SLC14A2: variants seen among roughly 807,000 people sequenced by gnomAD.
SLC14A2 encodes the protein urea transporter 2.
In SLC14A2, 91 loss-of-function variants were observed where a neutral mutation model predicts 104.6. The ratio of observed to expected loss-of-function variants is 0.87; its 90% CI spans 0.73 to 1.04. The LOEUF (loss-of-function observed/expected upper bound fraction) is 1.04, where lower values mean the gene tolerates loss of function less well. Ranked by LOEUF, SLC14A2 falls within the 50% of genes least tolerant of loss-of-function variation. The pLI, the probability that SLC14A2 is intolerant of heterozygous loss-of-function variation, is 0.00. For missense variants in SLC14A2, 1,189 were observed against 1,156.0 expected, an observed-to-expected ratio of 1.03 and a Z score of -0.41; for synonymous variants, 476 against 466.4, an observed-to-expected ratio of 1.02 and a Z score of -0.27.
intron 2 of SLC14A2, among the ~76,000 whole-genome samples, chr18:45,502,236 A>G (rs1164424362): frequency 1.3e-5 from 2 of 152,228 alleles, no homozygotes; most frequent in East Asian, 1.9e-4. Flanking sequence ...GTTGTTTCCA[A>G]TGCAGTTGAT....
chr18:45,621,935 TG>T (rs1022326884), intron 1 of SLC14A2, among the ~76,000 whole-genome samples: 1 of 152,078 alleles, frequency 6.6e-6, no homozygotes, highest in African/African-American at 2.4e-5. Flanking sequence ...GCAGAGGCCC[TG>T]AGGTGGAAAG....
At chr18:45,583,165 A>C (rs1182497870) in intron 2 of SLC14A2, among the ~76,000 whole-genome samples, 2 of 152,198 alleles carry the variant, frequency 1.3e-5, no homozygotes, top group African/African-American at 4.8e-5. Context: ...CTTGTGCTCT[A>C]AATCCTCTTT....
At chr18:45,514,686 A>G (rs1352337296) in intron 2 of SLC14A2, among the ~76,000 whole-genome samples, 1 of 152,178 alleles carries the variant, frequency 6.6e-6, no homozygotes, top group Non-Finnish European at 1.5e-5. Flanking sequence ...GCAATCAGCA[A>G]ACTTTGTTGA....
intron 1 of SLC14A2, among the ~76,000 whole-genome samples, chr18:45,419,865 C>G (rs998832176): frequency 2.0e-5 from 3 of 152,050 alleles, no homozygotes; most frequent in Non-Finnish European, 4.4e-5. Context: ...AGTGGGCATT[C>G]TTGCTAATAG....
At chr18:45,329,287 C>T (rs139381706) in intron 1 of SLC14A2, among the ~76,000 whole-genome samples, 24 of 152,224 alleles carry the variant, frequency 1.6e-4, no homozygotes, top group Admixed American at 9.8e-4. Flanking sequence ...TCTTGCAAGA[C>T]GGTGAGGCAA....
intron 1 of SLC14A2, among the ~76,000 whole-genome samples, chr18:45,258,048 C>T (rs1310707462): frequency 6.6e-6 from 1 of 152,160 alleles, no homozygotes; most frequent in African/African-American, 2.4e-5. Flanking sequence ...AAGCACTGTT[C>T]TTCATATTTG....
At chr18:45,386,767 T>G (rs1445777668) in intron 1 of SLC14A2, among the ~76,000 whole-genome samples, 2 of 152,194 alleles carry the variant, frequency 1.3e-5, no homozygotes, top group Non-Finnish European at 2.9e-5. Flanking sequence ...CTCAAACTGT[T>G]GATTAACCTC....
At chr18:45,248,222 G>A (rs183383388) in intron 1 of SLC14A2, among the ~76,000 whole-genome samples, 2 of 152,120 alleles carry the variant, frequency 1.3e-5, no homozygotes, top group Admixed American at 6.5e-5. Context: ...AGGAAAAACT[G>A]TGCCTTAGAG....
chr18:45,349,475 A>C (rs1340483130), intron 1 of SLC14A2, among the ~76,000 whole-genome samples: 1 of 152,078 alleles, frequency 6.6e-6, no homozygotes, highest in Non-Finnish European at 1.5e-5. Flanking sequence ...CCACATTCCA[A>C]CCTTCTCCTA....
At chr18:45,243,469 A>G (rs1048303139) in intron 1 of SLC14A2, among the ~76,000 whole-genome samples, 5 of 152,192 alleles carry the variant, frequency 3.3e-5, no homozygotes, top group Admixed American at 3.3e-4. Context: ...CTCCCACCCC[A>G]AAGAATGATC....
At chr18:45,259,247 G>T (rs1364420348) in intron 1 of SLC14A2, among the ~76,000 whole-genome samples, 1 of 152,196 alleles carries the variant, frequency 6.6e-6, no homozygotes, top group African/African-American at 2.4e-5. Context: ...CAGCAATAAA[G>T]TTCCTTGGAA....
At chr18:45,635,396 CAA>C (rs1433628485) in intron 5 of SLC14A2, among the ~76,000 whole-genome samples, 2 of 152,166 alleles carry the variant, frequency 1.3e-5, no homozygotes, top group African/African-American at 2.4e-5. Context: ...GAAAAACCAT[CAA>C]AAGAGACTAA....
chr18:45,608,402 G>A (rs2044906422), intron 2 of SLC14A2, among the ~76,000 whole-genome samples: 1 of 152,208 alleles, frequency 6.6e-6, no homozygotes, highest in Admixed American at 6.5e-5. Flanking sequence ...CACCATCCCT[G>A]CCTCATGGAT....
chr18:45,666,910 T>G lies in SLC14A2; in HGVS notation c.1558-25T>G, dbSNP rs780720995. The G allele has an allele frequency of 6.2e-6, 10 of 1,608,364 alleles. No homozygotes were observed. The African/African-American group carries it at 9.4e-5, about 15-fold the overall frequency. The stretch of plus-strand genomic sequence containing the variant: ...GTAAGAACCACCGAATGTGGGAGAC[T>G]CTTGCCTATCTCTGTCCTGGACAGG... On this transcript the variant is annotated intron_variant, in intron 12 of 19. Coordinates refer to ENST00000255226, the MANE Select transcript of SLC14A2 (RefSeq NM_007163.4).
intron 1 of SLC14A2, among the ~76,000 whole-genome samples, chr18:45,415,405 G>T (rs975228947): frequency 2.0e-5 from 3 of 152,094 alleles, no homozygotes; most frequent in Non-Finnish European, 4.4e-5. Flanking sequence ...ATGACATAAT[G>T]AATTTCCCCA....
intron 11 of SLC14A2, among the ~76,000 whole-genome samples, chr18:45,665,205 C>T (rs1027513267): frequency 6.6e-6 from 1 of 152,120 alleles, no homozygotes; most frequent in African/African-American, 2.4e-5. Flanking sequence ...GACACCCTGA[C>T]GACTCATGAG....
At chr18:45,588,758 A>G (rs1568288131) in intron 2 of SLC14A2, among the ~76,000 whole-genome samples, 2 of 152,202 alleles carry the variant, frequency 1.3e-5, no homozygotes, top group Non-Finnish European at 1.5e-5. Flanking sequence ...AAAGCATTAG[A>G]GGGCCCAGAG....
At chr18:45,404,031 G>C (rs550935894) in intron 1 of SLC14A2, among the ~76,000 whole-genome samples, 15 of 152,254 alleles carry the variant, frequency 9.9e-5, no homozygotes, top group Admixed American at 2.0e-4. Flanking sequence ...TTATCACACT[G>C]TTCCCACTGC....
chr18:45,649,173 CAAAAACA>C lies in SLC14A2; in HGVS notation c.1351+5025_1351+5031del, dbSNP rs1381443541. 3.3e-5 allele frequency among the ~76,000 whole-genome samples: 4 copies of C among 122,120 alleles called. No individual in the cohort carries two copies. In the Admixed American group the frequency reaches 3.3e-4, roughly 10 times the overall value. 80.1% of individuals were successfully genotyped at this position (122,120 alleles called of 152,430 possible). On this transcript the variant is annotated intron_variant, in intron 10 of 19. Transcript: ENST00000255226. ...TATGAGAGCGAGTGAGACTCTGTCT[CAAAAACA>C]AAAAACAAAAACAAAAAGGCATATT... is the stretch of plus-strand genomic sequence containing the variant.
Sources: gnomAD v4.1 joint callset for allele counts (sites outside exome capture counted in the v4.1 genomes callset) on GRCh38, gnomAD v4.1.1 for gene constraint, MANE v1.5 for transcripts, NCBI Gene and HGNC (gene_info 2026-07-23, HGNC 2026-07-21) for gene names.